The following AKR1C3 variants were observed in gnomAD, a reference collection of about 807,000 sequenced individuals.
The protein encoded by AKR1C3 is aldo-keto reductase family 1 member C3, also known as 3-alpha hydroxysteroid dehydrogenase, type II.
A neutral mutation model predicts 43.6 loss-of-function variants in AKR1C3; 48 were observed. The observed-to-expected ratio is 1.10, with a 90% CI of 0.87 to 1.40. The LOEUF is 1.40. AKR1C3 is among the 40% of genes most tolerant of loss of function. AKR1C3 has a pLI of 0.00. For synonymous variants in AKR1C3, 162 were observed against 139.6 expected (o/e 1.16, Z -1.13); for missense variants, 482 against 391.2 (o/e 1.23, Z -1.96).
At chr10:5,063,481 T>TA (rs1239265077) in intron 1 of AKR1C3, among the ~76,000 whole-genome samples, 1 of 152,002 alleles carries the variant, frequency 6.6e-6, no homozygotes, top group African/African-American at 2.4e-5. Flanking sequence ...CAAAAAGCTA[T>TA]AGAGAGTGGG....
chr10:5,085,405 C>G (rs1446830316), intron 1 of AKR1C3, among the ~76,000 whole-genome samples: 9 of 152,024 alleles, frequency 5.9e-5, no homozygotes, highest in East Asian at 5.8e-4. Context: ...TTGAACCAAC[C>G]TTGCATCCCA....
Position 5,107,474 on chromosome 10 carries a change from C to G in AKR1C3, c.943C>G (p.Pro315Ala). 1.3e-6 allele frequency: 2 copies of G among 1,582,878 alleles called. No individual in the cohort carries two copies. Among genetic ancestry groups the G allele is most frequent in the Non-Finnish European group, 1.7e-6 (2 of 1,152,322 alleles). ...TTCTCTTTTCAGTTTTGCTAGCCAC[C>G]CTAATTATCCATATTCAGATGAATA... ...YFNSDSFASH[P>A]NYPYSDEY Residue 315 changes from proline to alanine, a missense_variant, in exon 9 of 9, where the codon CCT becomes GCT. Transcript: ENST00000380554.
chr10:5,079,655 G>C (rs1325718474), intron 1 of AKR1C3, among the ~76,000 whole-genome samples: 1 of 152,072 alleles, frequency 6.6e-6, no homozygotes. Flanking sequence ...ACTCACATCT[G>C]TGTGGGGACA....
At chr10:5,103,419 C>T (rs1055068167) in intron 7 of AKR1C3, among the ~76,000 whole-genome samples, 63 of 152,124 alleles carry the variant, frequency 4.1e-4, no homozygotes, top group African/African-American at 1.4e-3. Flanking sequence ...AGCTGTTAAA[C>T]AAATCACCCT....
chr10:5,086,873 G>C (rs1420183193), intron 1 of AKR1C3, among the ~76,000 whole-genome samples: 1 of 152,122 alleles, frequency 6.6e-6, no homozygotes, highest in Non-Finnish European at 1.5e-5. Flanking sequence ...TTTAAAGTCT[G>C]TTTTATCTGA....
intron 1 of AKR1C3, among the ~76,000 whole-genome samples, chr10:5,054,923 T>A (rs1328040999): frequency 1.3e-5 from 2 of 152,272 alleles, no homozygotes; most frequent in Non-Finnish European, 2.9e-5. Context: ...GTTTTTGCAC[T>A]GCATGCAATA....
At position 5,105,613 on chromosome 10, in the gene AKR1C3, A is replaced by T; in HGVS notation, c.865A>T (p.Thr289Ser). Residue 289 changes from threonine to serine, a missense_variant, in exon 8 of 9, where the codon ACT becomes TCT. Thr to Ser is a moderately conservative substitution (Grantham distance 58). Coordinates refer to ENST00000380554, the MANE Select transcript of AKR1C3 (RefSeq NM_003739.6). ...CTGATAGGTTTTTGAGTTCCAGTTG[A>T]CTGCAGAGGACATGAAAGCCATAGA... ...QNVQVFEFQL[T>S]AEDMKAIDGL... 1 of 1,613,940 alleles carries T rather than the reference A, an allele frequency of 6.2e-7. No individual in the cohort carries two copies. The highest frequency in any genetic ancestry group is 1.3e-5 in the African/African-American group (1 of 75,052).
At chr10:5,066,493 A>G (rs1478980238) in intron 1 of AKR1C3, among the ~76,000 whole-genome samples, 1 of 152,128 alleles carries the variant, frequency 6.6e-6, no homozygotes, top group Non-Finnish European at 1.5e-5. Context: ...ATTCCAGTCG[A>G]AGAGAGACCA....
At chr10:5,062,854 TAAAAA>T (rs57602420) in intron 1 of AKR1C3, among the ~76,000 whole-genome samples, 5 of 138,554 alleles carry the variant, frequency 3.6e-5, no homozygotes, top group East Asian at 4.1e-4. Context: ...AACTCCTAGT[TAAAAA>T]AAAAAAAAAA....
intron 7 of AKR1C3, among the ~76,000 whole-genome samples, chr10:5,104,869 T>A (rs1554786819): frequency 1.3e-5 from 2 of 152,164 alleles, no homozygotes; most frequent in Non-Finnish European, 2.9e-5. Flanking sequence ...TTTTCTAATG[T>A]GTAGAAATGT....
At chr10:5,092,823 TTTTC>T (rs1215744921), upstream of AKR1C3, among the ~76,000 whole-genome samples, 37 of 152,220 alleles carry the variant, frequency 2.4e-4, no homozygotes, top group African/African-American at 7.7e-4. Context: ...TGTCAACTCG[TTTTC>T]TTTCTTATAA....
At chr10:5,094,371 T>G, upstream of AKR1C3, 1 of 1,374,072 alleles carries the variant, frequency 7.3e-7, no homozygotes, top group African/African-American at 1.5e-5. Context: ...GGGGAGGGGT[T>G]TCCTGCCCAT....
intron 5 of AKR1C3, among the ~76,000 whole-genome samples, chr10:5,100,892 A>AG (rs555020114): frequency 1.3e-3 from 196 of 152,318 alleles, no homozygotes; most frequent in African/African-American, 4.5e-3. Flanking sequence ...TTTATGGCAA[A>AG]TGTTTATGTG....
At chr10:5,086,253 C>T (rs1287165130) in intron 1 of AKR1C3, among the ~76,000 whole-genome samples, 2 of 151,534 alleles carry the variant, frequency 1.3e-5, no homozygotes, top group Non-Finnish European at 2.9e-5. Flanking sequence ...TTGAATGTGT[C>T]CCAGAGATTC....
At chr10:5,078,367 C>T (rs1838759075) in intron 1 of AKR1C3, among the ~76,000 whole-genome samples, 3 of 152,204 alleles carry the variant, frequency 2.0e-5, no homozygotes, top group African/African-American at 7.2e-5. Flanking sequence ...TCACTTGAAC[C>T]TGGGAGGCGG....
intron 1 of AKR1C3, chr10:5,081,863 G>A (rs1364175226): frequency 6.6e-6 from 1 of 152,150 alleles, no homozygotes. Context: ...GCCCCATGGG[G>A]AAGAGGACAG....
chr10:5,052,951 T>C (rs1838182258), intron 1 of AKR1C3, among the ~76,000 whole-genome samples: 1 of 151,888 alleles, frequency 6.6e-6, no homozygotes, highest in Admixed American at 6.6e-5. Flanking sequence ...AGTAGCTAGA[T>C]ACAGAGTGCC....
intron 1 of AKR1C3, among the ~76,000 whole-genome samples, chr10:5,055,436 A>G (rs576970596): frequency 1.4e-4 from 21 of 152,356 alleles, no homozygotes; most frequent in African/African-American, 4.3e-4. Flanking sequence ...TCTGACAGCC[A>G]TAAACTTCCT....
At chr10:5,085,401 C>A (rs2131823043) in intron 1 of AKR1C3, among the ~76,000 whole-genome samples, 2 of 152,086 alleles carry the variant, frequency 1.3e-5, no homozygotes, top group South Asian at 4.2e-4. Flanking sequence ...TATGTTGAAC[C>A]AACCTTGCAT....
Sources: gnomAD v4.1 joint callset for allele counts (sites outside exome capture counted in the v4.1 genomes callset) on GRCh38, gnomAD v4.1.1 for gene constraint, MANE v1.5 for transcripts, NCBI Gene and HGNC (gene_info 2026-07-23, HGNC 2026-07-21) for gene names.